The following NUAK1 variants were observed in gnomAD, a reference collection of about 807,000 sequenced individuals.
NUAK1 encodes NUAK family kinase 1, also known as NUAK family SNF1-like kinase 1.
NUAK1 carries 26 observed loss-of-function variants against 56.9 expected under a neutral mutation model. The ratio of observed to expected loss-of-function variants is 0.46; its 90% CI spans 0.33 to 0.63. NUAK1 has a LOEUF of 0.63. Ranked by LOEUF, NUAK1 falls within the 30% of genes least tolerant of loss-of-function variation. The pLI, the probability that NUAK1 is intolerant of heterozygous loss-of-function variation, is 0.02. For synonymous variants in NUAK1, 337 were observed against 336.0 expected (o/e 1.00, Z -0.03); for missense variants, 727 against 876.1 (o/e 0.83, Z 2.15).
chr12:106,113,836 C>T (rs780209442), intron 1 of NUAK1, among the ~76,000 whole-genome samples: 1 of 151,818 alleles, frequency 6.6e-6, no homozygotes, highest in Non-Finnish European at 1.5e-5. Flanking sequence ...CAAGGAGGGC[C>T]TGTGGATGAA....
Position 106,067,512 on chromosome 12 carries a change from G to C in NUAK1, c.1276C>G (p.Pro426Ala), listed in dbSNP as rs760814933. 1.9e-6 allele frequency: 3 copies of C among 1,614,068 alleles called. No homozygotes were observed. In the South Asian group the frequency reaches 3.3e-5, roughly 18 times the overall value. ...TCCTGCTCCATCTTGAAAGTAGAGGGTAAGGCAGGACCAACTACACCTTCA... is the reference window on the plus strand; with the variant it reads ...TCCTGCTCCATCTTGAAAGTAGAGGCTAAGGCAGGACCAACTACACCTTCA... ...FIEGVVGPAL[P>A]STFKMEQDLC... Residue 426 changes from proline (P) to alanine (A), a missense_variant, in exon 7 of 7, where the codon CCC becomes GCC. Coordinates refer to ENST00000261402, the MANE Select transcript of NUAK1 (RefSeq NM_014840.3). This position sits in a 1 kb window ranked among gnomAD's most constrained non-coding sequence, Gnocchi z 6.0.
chr12:106,083,829 G>C, intron 4 of NUAK1, 35 bp downstream of exon 4: 2 of 1,593,138 alleles, frequency 1.3e-6, no homozygotes, highest in Non-Finnish European at 1.7e-6. Context: ...CAAGACCCAG[G>C]CCCTGCATAT....
At chr12:106,121,084 T>C (rs74736948) in intron 1 of NUAK1, among the ~76,000 whole-genome samples, 211 of 152,330 alleles carry the variant, frequency 1.4e-3, no homozygotes, top group African/African-American at 5.0e-3. Context: ...GTGATTCTCA[T>C]GCTCAGCCAG....
intron 1 of NUAK1, among the ~76,000 whole-genome samples, chr12:106,135,011 G>GA (rs1434565167): frequency 6.6e-6 from 1 of 151,894 alleles, no homozygotes; most frequent in African/African-American, 2.4e-5. Flanking sequence ...AATGAGATGA[G>GA]AAAAAAAATC....
At chr12:106,124,930 G>A (rs1592862989) in intron 1 of NUAK1, among the ~76,000 whole-genome samples, 1 of 152,000 alleles carries the variant, frequency 6.6e-6, no homozygotes, top group South Asian at 2.1e-4. Flanking sequence ...CCGGGAGGTG[G>A]AGGTTGCAAT....
At chr12:106,098,659 G>T (rs2032717670) in intron 2 of NUAK1, among the ~76,000 whole-genome samples, 1 of 152,124 alleles carries the variant, frequency 6.6e-6, no homozygotes, top group Non-Finnish European at 1.5e-5. Context: ...GAAGTCACAG[G>T]CCGAATCTCC....
At chr12:106,094,284 C>T (rs1399377938) in intron 2 of NUAK1, among the ~76,000 whole-genome samples, 3 of 152,178 alleles carry the variant, frequency 2.0e-5, no homozygotes, top group African/African-American at 7.2e-5. Context: ...CCCAAAATCT[C>T]GGACCGGAGT....
At chr12:106,083,677 A>G (rs1349020147) in intron 4 of NUAK1, among the ~76,000 whole-genome samples, 187 bp downstream of exon 4, 1 of 152,186 alleles carries the variant, frequency 6.6e-6, no homozygotes, top group Non-Finnish European at 1.5e-5. Context: ...GTAGGAGATC[A>G]ATAACTGCTT....
At chr12:106,074,241 A>AAAT (rs977531075) in intron 4 of NUAK1, among the ~76,000 whole-genome samples, 10 of 151,856 alleles carry the variant, frequency 6.6e-5, no homozygotes, top group Admixed American at 5.3e-4. Flanking sequence ...ATATAATGCA[A>AAAT]AATAATAATA....
At chr12:106,092,256 T>C (rs974173136) in intron 2 of NUAK1, among the ~76,000 whole-genome samples, 4 of 152,042 alleles carry the variant, frequency 2.6e-5, no homozygotes, top group Non-Finnish European at 5.9e-5. Context: ...TGGTGGCTCA[T>C]GCCTGTAATC....
At chr12:106,128,641 G>A (rs146029489) in intron 1 of NUAK1, among the ~76,000 whole-genome samples, 9 of 152,296 alleles carry the variant, frequency 5.9e-5, no homozygotes, top group Non-Finnish European at 1.2e-4. Flanking sequence ...AAAAGTGAAT[G>A]GGGTCCCGCT....
chr12:106,091,864 T>C (rs1446962297), intron 2 of NUAK1, among the ~76,000 whole-genome samples: 2 of 152,072 alleles, frequency 1.3e-5, no homozygotes, highest in African/African-American at 4.8e-5. Context: ...CTCACAATAA[T>C]CTTATGAGAT....
intron 4 of NUAK1, among the ~76,000 whole-genome samples, chr12:106,080,621 T>C (rs183609445): frequency 1.3e-5 from 2 of 152,346 alleles, no homozygotes; most frequent in East Asian, 3.9e-4. Context: ...ATGTGTGCTC[T>C]GCAAATCAAC....
At chr12:106,101,169 G>A (rs1565923777) in intron 2 of NUAK1, among the ~76,000 whole-genome samples, 1 of 152,176 alleles carries the variant, frequency 6.6e-6, no homozygotes, top group East Asian at 1.9e-4. Context: ...GGTTGCAGCA[G>A]GGGCAGGTAG....
intron 1 of NUAK1, among the ~76,000 whole-genome samples, chr12:106,133,354 C>G (rs1445372043): frequency 6.6e-6 from 1 of 152,224 alleles, no homozygotes; most frequent in African/African-American, 2.4e-5. Flanking sequence ...TCTAGATACC[C>G]TTCCGGAAGG....
In NUAK1 at chr12:106,138,122, A is replaced by G. The variant is rs754122997; in HGVS notation, c.240+292T>C. 2.6e-5 allele frequency among the ~76,000 whole-genome samples: 4 copies of G among 152,206 alleles called. No individual in the cohort carries two copies. Among genetic ancestry groups the G allele is most frequent in the African/African-American group, 7.2e-5 (3 of 41,454 alleles). On this transcript the variant is annotated intron_variant, in intron 1 of 6. Transcript: ENST00000261402. The surrounding 1 kb of genome is among the most constrained non-coding windows in gnomAD (Gnocchi z 5.0). ...AGACCCCGGCCGTCCCAACGCTGCA[A>G]AGTGTTTGCAAATCTAAAACATTCC...
chr12:106,074,948 A>G (rs1313299826), intron 4 of NUAK1, among the ~76,000 whole-genome samples: 1 of 152,144 alleles, frequency 6.6e-6, no homozygotes, highest in African/African-American at 2.4e-5. Flanking sequence ...CCTGTCAATC[A>G]GAAGAGGCAT....
chr12:106,125,980 T>C (rs2033021724), intron 1 of NUAK1, among the ~76,000 whole-genome samples: 1 of 152,084 alleles, frequency 6.6e-6, no homozygotes, highest in Non-Finnish European at 1.5e-5. Flanking sequence ...TCACACAAGG[T>C]AATTATCTTG....
At chr12:106,113,267 C>T (rs564250365) in intron 1 of NUAK1, among the ~76,000 whole-genome samples, 46 of 152,158 alleles carry the variant, frequency 3.0e-4, no homozygotes, top group South Asian at 6.2e-4. Flanking sequence ...AGATACAAAC[C>T]GTGGCTGACC....
Sources: gnomAD v4.1 joint callset for allele counts (sites outside exome capture counted in the v4.1 genomes callset) on GRCh38, gnomAD v4.1.1 for gene constraint, Gnocchi (gnomAD v3.1) non-coding constraint, MANE v1.5 for transcripts, NCBI Gene and HGNC (gene_info 2026-07-23, HGNC 2026-07-21) for gene names.